SATB2: variants seen among roughly 807,000 people sequenced by gnomAD.
SATB2 encodes SATB homeobox 2, also known as DNA-binding protein SATB2.
In SATB2, 1 loss-of-function variant was observed where a neutral mutation model predicts 73.4. The ratio of observed to expected loss-of-function variants is 0.01; its 90% CI spans 0.00 to 0.06. The LOEUF (loss-of-function observed/expected upper bound fraction) is 0.06. SATB2 is among the 10% of genes least tolerant of loss of function. SATB2 has a pLI of 1.00. For missense variants in SATB2, 459 were observed against 945.8 expected, an observed-to-expected ratio of 0.49 and a Z score of 6.75; for synonymous variants, 397 against 367.0, an observed-to-expected ratio of 1.08 and a Z score of -0.93.
intron 3 of SATB2, among the ~76,000 whole-genome samples, chr2:199,394,731 G>A (rs1690247966): frequency 6.6e-6 from 1 of 152,030 alleles, no homozygotes; most frequent in Admixed American, 6.5e-5. Flanking sequence ...TCTAAAATAA[G>A]TAAATAAATA....
chr2:199,345,757 T>C (rs1040900717), intron 7 of SATB2, among the ~76,000 whole-genome samples: 6 of 152,188 alleles, frequency 3.9e-5, no homozygotes, highest in African/African-American at 7.2e-5. Flanking sequence ...TGCTAAATGA[T>C]ATTCCTACCC....
intron 1 of SATB2, among the ~76,000 whole-genome samples, 160 bp from the exon 2 acceptor site, chr2:199,456,256 A>T (rs1479534598): frequency 6.6e-6 from 1 of 152,288 alleles, no homozygotes; most frequent in East Asian, 1.9e-4. Context: ...GCCGGTCCCA[A>T]CCTTACACTG....
In SATB2 at chr2:199,463,182, C is replaced by A. The variant is rs187767412; in HGVS notation, c.-141+1654G>T. ...AACGCCCCCCGGGGCGCCCTTCATTCTTTTGCAGAGCCCAGAACTTAATAG... is the reference window on the plus strand; with the variant it reads ...AACGCCCCCCGGGGCGCCCTTCATTATTTTGCAGAGCCCAGAACTTAATAG... On this transcript the variant is annotated intron_variant, in intron 1 of 11. Transcript: ENST00000260926. The surrounding 1 kb of genome is among the most constrained non-coding windows in gnomAD (Gnocchi z 6.4). Among the ~76,000 whole-genome samples, 4 of 152,216 alleles carry A rather than the reference C, an allele frequency of 2.6e-5. No homozygotes were observed. Among genetic ancestry groups the A allele is most frequent in the Non-Finnish European group, 5.9e-5 (4 of 68,028 alleles).
chr2:199,399,705 G>C (rs1393306476), intron 3 of SATB2, among the ~76,000 whole-genome samples: 1 of 152,172 alleles, frequency 6.6e-6, no homozygotes, highest in Non-Finnish European at 1.5e-5. Flanking sequence ...CAGCTCACAT[G>C]ATGGGAGCAG....
At chr2:199,450,397 GTAAAAATTAC>G (rs1311499135) in intron 2 of SATB2, among the ~76,000 whole-genome samples, 1 of 152,010 alleles carries the variant, frequency 6.6e-6, no homozygotes, top group Non-Finnish European at 1.5e-5. Context: ...AAGGAAGATA[GTAAAAATTAC>G]TATGTTACCA....
At chr2:199,453,124 AAC>A (rs1692177992) in intron 2 of SATB2, among the ~76,000 whole-genome samples, 1 of 152,154 alleles carries the variant, frequency 6.6e-6, no homozygotes, top group African/African-American at 2.4e-5. Context: ...TAAGTAGAGT[AAC>A]AGCAGAATTT....
chr2:199,384,988 GT>G (rs1689886576), intron 3 of SATB2, among the ~76,000 whole-genome samples: 1 of 152,094 alleles, frequency 6.6e-6, no homozygotes, highest in African/African-American at 2.4e-5. Flanking sequence ...AAAGACTTTT[GT>G]TTTAAATCAC....
chr2:199,322,962 A>C (rs1687930381), intron 9 of SATB2, among the ~76,000 whole-genome samples: 1 of 152,052 alleles, frequency 6.6e-6, no homozygotes. Flanking sequence ...GACTCTCAAA[A>C]TTATGCTTTA....
chr2:199,378,108 A>G (rs1689658520), intron 5 of SATB2, among the ~76,000 whole-genome samples: 1 of 152,208 alleles, frequency 6.6e-6, no homozygotes, highest in African/African-American at 2.4e-5. Context: ...TATCTGGCAT[A>G]AAAGAACTGA....
chr2:199,409,159 TTTC>T (rs1345246654), intron 3 of SATB2, among the ~76,000 whole-genome samples: 1 of 143,298 alleles, frequency 7.0e-6, no homozygotes, highest in African/African-American at 2.4e-5. Flanking sequence ...CATTTTCTTT[TTTC>T]TTTTCTTTTT....
chr2:199,469,749 G>A (rs1012364940), upstream of SATB2: 3 of 152,356 alleles, frequency 2.0e-5, no homozygotes, highest in African/African-American at 7.2e-5. Flanking sequence ...CCCTTGCCAC[G>A]AGTATATCAG....
intron 3 of SATB2, among the ~76,000 whole-genome samples, chr2:199,408,287 G>A (rs1460006885): frequency 1.3e-5 from 2 of 151,826 alleles, no homozygotes; most frequent in Non-Finnish European, 2.9e-5. Context: ...TATATAAAAC[G>A]GAATAAGAAT....
chr2:199,311,516 T>C (rs372354195), intron 9 of SATB2, among the ~76,000 whole-genome samples: 4 of 152,232 alleles, frequency 2.6e-5, no homozygotes, highest in East Asian at 3.9e-4. Flanking sequence ...AGCAGAAAGA[T>C]TGTCAAGAGC....
chr2:199,275,698 A>G (rs1322090646), intron 10 of SATB2, among the ~76,000 whole-genome samples: 3 of 152,182 alleles, frequency 2.0e-5, no homozygotes, highest in Non-Finnish European at 4.4e-5. Flanking sequence ...AGTGAAATAT[A>G]TAGTTTCTGG....
intron 5 of SATB2, among the ~76,000 whole-genome samples, chr2:199,377,694 G>T (rs562278341): frequency 4.6e-5 from 7 of 152,120 alleles, no homozygotes; most frequent in Non-Finnish European, 8.8e-5. Flanking sequence ...GGTGGGTAGG[G>T]GGAGTGACTG....
At position 199,349,019 on chromosome 2, in the gene SATB2, T is replaced by C. The variant is rs904363589; in HGVS notation, c.855A>G (p.Gln285=). 6.2e-7 allele frequency: 1 copy of C among 1,614,094 alleles called. No individual in the cohort carries two copies. Residue 285 remains glutamine, a synonymous_variant, in exon 7 of 11, where the codon CAA becomes CAG. Transcript: ENST00000417098. The part of the protein sequence containing the change: ...QIHHSTPIRN[Q]VPALQPIMSP... ...TCATGATGGGCTGTAATGCGGGCAC[T>C]TGGTTTCGGATTGGAGTACTGTGGT...
intron 6 of SATB2, among the ~76,000 whole-genome samples, chr2:199,350,638 T>A (rs1171709726): frequency 2.6e-5 from 4 of 152,222 alleles, no homozygotes; most frequent in Non-Finnish European, 5.9e-5. Context: ...GTTTTATGCA[T>A]GCAAAATATC....
Position 199,433,330 on chromosome 2 carries a change from A to G in SATB2, c.346+8T>C. ...AGACTTGGGAGGAGAGGGGAGAGGCATTAATACCTTGGGCCTGGGCCGCAG... is the reference window on the plus strand; with the variant it reads ...AGACTTGGGAGGAGAGGGGAGAGGCGTTAATACCTTGGGCCTGGGCCGCAG... On this transcript the variant is annotated splice_region_variant and intron_variant, in intron 3 of 10. Coordinates refer to ENST00000417098, the MANE Select transcript of SATB2 (RefSeq NM_001172509.2). 1 of 1,613,308 alleles carries G rather than the reference A, an allele frequency of 6.2e-7. No homozygotes were observed. Among genetic ancestry groups the G allele is most frequent in the Non-Finnish European group, 8.5e-7 (1 of 1,179,774 alleles).
intron 3 of SATB2, among the ~76,000 whole-genome samples, chr2:199,402,659 T>A (rs918279674): frequency 6.6e-6 from 1 of 152,256 alleles, no homozygotes; most frequent in African/African-American, 2.4e-5. Flanking sequence ...AAGGTACTAA[T>A]AATGTTCTCT....
Sources: allele counts gnomAD v4.1 joint callset (sites outside exome capture counted in the v4.1 genomes callset), GRCh38; gene constraint gnomAD v4.1.1; non-coding constraint Gnocchi (gnomAD v3.1); transcripts MANE v1.5; gene names NCBI Gene and HGNC (gene_info 2026-07-23, HGNC 2026-07-21).